ENOX1: variants seen among roughly 807,000 people sequenced by gnomAD.
The protein encoded by ENOX1 is candidate growth-related and time keeping constitutive hydroquinone (NADH) oxidase.
A neutral mutation model predicts 82.5 loss-of-function variants in ENOX1; 42 were observed. The observed-to-expected ratio is 0.51, with a 90% CI of 0.40 to 0.66. The LOEUF (loss-of-function observed/expected upper bound fraction) is 0.66, where lower values mean the gene tolerates loss of function less well. ENOX1 is among the 30% of genes least tolerant of loss of function. The pLI is 0.00. For missense variants in ENOX1, 608 were observed against 811.6 expected (o/e 0.75, Z 3.05); for synonymous variants, 271 against 282.2 (o/e 0.96, Z 0.40).
chr13:43,784,421 C>T (rs943069076), intron 1 of ENOX1, among the ~76,000 whole-genome samples: 1 of 152,156 alleles, frequency 6.6e-6, no homozygotes, highest in African/African-American at 2.4e-5. Context: ...ATAGGAGGTC[C>T]TCCAGTCAGA....
intron 2 of ENOX1, among the ~76,000 whole-genome samples, chr13:43,604,675 T>C (rs1219454056): frequency 6.6e-6 from 1 of 152,206 alleles, no homozygotes; most frequent in African/African-American, 2.4e-5. Flanking sequence ...TAAATCCCAC[T>C]TGGTCATGAT....
chr13:43,382,274 T>C (rs936896692), intron 5 of ENOX1, among the ~76,000 whole-genome samples: 4 of 152,156 alleles, frequency 2.6e-5, no homozygotes, highest in Admixed American at 2.0e-4. Context: ...ATCATCTCAA[T>C]AGATGCAGAA....
chr13:43,344,017 G>C (rs1164248635), intron 9 of ENOX1, among the ~76,000 whole-genome samples: 1 of 152,112 alleles, frequency 6.6e-6, no homozygotes, highest in African/African-American at 2.4e-5. Context: ...CTTTCCAAAT[G>C]AAGAAAGGAC....
intron 2 of ENOX1, among the ~76,000 whole-genome samples, chr13:43,617,773 A>G (rs2082545167): frequency 1.3e-5 from 2 of 152,134 alleles, no homozygotes; most frequent in Non-Finnish European, 2.9e-5. Flanking sequence ...TGGTAGTTCT[A>G]CTTCTAGTTC....
intron 2 of ENOX1, chr13:43,546,704 A>G (rs569833146): frequency 3.0e-4 from 45 of 152,342 alleles, no homozygotes; most frequent in African/African-American, 1.0e-3. Context: ...AATTTTGATG[A>G]CAAATTATTT....
chr13:43,390,798 T>C (rs967115775), intron 5 of ENOX1, among the ~76,000 whole-genome samples: 2 of 152,212 alleles, frequency 1.3e-5, no homozygotes, highest in African/African-American at 4.8e-5. Flanking sequence ...AGAAGGTTTC[T>C]AGTTTTCTTT....
intron 13 of ENOX1, 106 bp downstream of exon 13, chr13:43,269,364 T>C (rs2289777): frequency 0.16 from 131,987 of 841,560 alleles, 13,969 homozygotes; most frequent in East Asian, 0.52. Context: ...AGACTAATTG[T>C]ACTGCAGATT....
chr13:43,274,639 C>T (rs1192524449), intron 12 of ENOX1, among the ~76,000 whole-genome samples: 9 of 152,124 alleles, frequency 5.9e-5, no homozygotes, highest in East Asian at 1.9e-4. Context: ...CTGATGGCAG[C>T]GTAATTTTAA....
At chr13:43,235,869 A>G (rs530618103) in intron 15 of ENOX1, among the ~76,000 whole-genome samples, 1 of 152,216 alleles carries the variant, frequency 6.6e-6, no homozygotes, top group Non-Finnish European at 1.5e-5. Flanking sequence ...CTCACCTGGC[A>G]ACCCCACACT....
chr13:43,416,629 C>CG (rs1454709487), intron 3 of ENOX1, among the ~76,000 whole-genome samples: 6 of 147,512 alleles, frequency 4.1e-5, no homozygotes. Flanking sequence ...CAGGCAGAGA[C>CG]GCTCCTCACA....
chr13:43,265,229 C>A (rs1351934868), intron 14 of ENOX1, among the ~76,000 whole-genome samples, 169 bp downstream of exon 14: 1 of 152,192 alleles, frequency 6.6e-6, no homozygotes, highest in Non-Finnish European at 1.5e-5. Flanking sequence ...ACTAGGCTGA[C>A]AATAGCAGTG....
intron 3 of ENOX1, among the ~76,000 whole-genome samples, chr13:43,449,240 G>A (rs1358588009): frequency 6.6e-6 from 1 of 152,172 alleles, no homozygotes; most frequent in Non-Finnish European, 1.5e-5. Flanking sequence ...GTTTTCCAGT[G>A]TGAGACTCCC....
At chr13:43,592,665 G>GGGAA (rs977971329) in intron 2 of ENOX1, among the ~76,000 whole-genome samples, 3 of 152,082 alleles carry the variant, frequency 2.0e-5, no homozygotes, top group Admixed American at 1.3e-4. Context: ...ATAGAAGGAA[G>GGGAA]GGAAGGAAGG....
chr13:43,584,291 C>T (rs910236777), intron 2 of ENOX1, among the ~76,000 whole-genome samples: 4 of 152,144 alleles, frequency 2.6e-5, no homozygotes, highest in Admixed American at 1.3e-4. Context: ...ACAAACACAC[C>T]CATCCCCCCA....
chr13:43,338,676 GTTTTTTTTTTTTT>G (rs71099830), intron 9 of ENOX1, among the ~76,000 whole-genome samples: 3 of 81,274 alleles, frequency 3.7e-5, no homozygotes, highest in African/African-American at 5.4e-5. Flanking sequence ...TTCAGGTTGG[GTTTTTTTTTTTTT>G]TTTTTTTTTT....
At chr13:43,717,257 T>C (rs2088210288) in intron 1 of ENOX1, among the ~76,000 whole-genome samples, 1 of 152,166 alleles carries the variant, frequency 6.6e-6, no homozygotes, top group Admixed American at 6.5e-5. Flanking sequence ...AACCATCTGA[T>C]CTTCAACAAA....
In ENOX1 at chr13:43,344,634, C is replaced by T. The variant is rs373651446; in HGVS notation, c.940G>A (p.Val314Ile). The change falls in exon 9 of 17, where the codon GTC becomes ATC. Residue 314 changes from valine to isoleucine, a missense_variant. Val to Ile is a conservative substitution (Grantham distance 29). Coordinates refer to ENST00000690772, the MANE Select transcript of ENOX1 (RefSeq NM_001347969.2). ...YSMVQSANSH[V>I]RRLMNEKATH... ...GCTTTTTCATTCATTAGCCGGCGGACGTGGCTGTTGGCCGACTGCACCATG... is the reference window on the plus strand; with the variant it reads ...GCTTTTTCATTCATTAGCCGGCGGATGTGGCTGTTGGCCGACTGCACCATG... 4.8e-5 allele frequency: 77 copies of T among 1,614,084 alleles called. No homozygotes were observed. The highest frequency in any genetic ancestry group is 5.8e-5 in the Non-Finnish European group (68 of 1,180,010).
chr13:43,371,561 G>A (rs1003909063), intron 5 of ENOX1, among the ~76,000 whole-genome samples: 3 of 152,108 alleles, frequency 2.0e-5, no homozygotes, highest in African/African-American at 7.2e-5. Flanking sequence ...ATCTTTCTGA[G>A]GCAATATGCA....
chr13:43,480,468 T>G (rs992609289), intron 3 of ENOX1, among the ~76,000 whole-genome samples: 2 of 152,150 alleles, frequency 1.3e-5, no homozygotes, highest in Non-Finnish European at 2.9e-5. Context: ...AGGAAAAGTT[T>G]TAAAAATGGG....
Sources: gnomAD v4.1 joint callset for allele counts (sites outside exome capture counted in the v4.1 genomes callset) on GRCh38, gnomAD v4.1.1 for gene constraint, MANE v1.5 for transcripts, NCBI Gene and HGNC (gene_info 2026-07-23, HGNC 2026-07-21) for gene names.